Variants in SH2B1 observed in about 807,000 individuals in gnomAD.
The protein encoded by SH2B1 is SH2B adapter protein 1.
Under a neutral mutation model 62.6 loss-of-function variants are expected in SH2B1, and 15 were observed. The ratio of observed to expected loss-of-function variants is 0.24; its 90% CI spans 0.16 to 0.37. The LOEUF is 0.37. Among genes scored for constraint, SH2B1 ranks in the 10% least tolerant of loss-of-function variants. SH2B1 has a pLI of 1.00. For synonymous variants in SH2B1, 443 were observed against 438.0 expected, an observed-to-expected ratio of 1.01 and a Z score of -0.14; for missense variants, 925 against 1,015.6, an observed-to-expected ratio of 0.91 and a Z score of 1.21.
At chr16:28,851,554 G>C (rs1962099832) in intron 1 of SH2B1, among the ~76,000 whole-genome samples, 1 of 131,888 alleles carries the variant, frequency 7.6e-6, no homozygotes, top group African/African-American at 2.6e-5. Flanking sequence ...CCGCCTCCCG[G>C]GTTAAAGCGA....
Position 28,873,061 on chromosome 16 carries a change from CTCGG to C in SH2B1, c.1897+359_1897+362del. 1.3e-6 allele frequency: 1 copy of C among 794,480 alleles called. No individual in the cohort carries two copies. The highest frequency in any genetic ancestry group is 2.0e-6 in the Non-Finnish European group (1 of 509,142). 49.2% of individuals were successfully genotyped at this position (794,480 alleles called of 1,614,324 possible). The stretch of plus-strand genomic sequence containing the variant: ...CTTGGGCCTGCCCTTCCCGGGGACA[CTCGG>C]TCTGATCCCCTTCCCTCCTCCCTCA... On this transcript the variant is annotated intron_variant, in intron 7 of 7. Transcript: ENST00000684370. This position sits in a 1 kb window ranked among gnomAD's most constrained non-coding sequence, Gnocchi z 4.2.
chr16:28,847,487 A>G (rs901088299), intron 1 of SH2B1, among the ~76,000 whole-genome samples: 6 of 152,004 alleles, frequency 3.9e-5, no homozygotes, highest in African/African-American at 7.3e-5. Flanking sequence ...CTATGCACAG[A>G]CTGGGAAGCT....
rs899876196 is a variant in SH2B1, at chr16:28,865,634, C to T, written c.-461C>T. 9.1e-6 allele frequency: 9 copies of T among 988,822 alleles called. No individual in the cohort carries two copies. Among genetic ancestry groups the T allele is most frequent in the Non-Finnish European group, 9.6e-6 (8 of 832,556 alleles). 61.3% of individuals were successfully genotyped at this position (988,822 alleles called of 1,614,324 possible). ...AACCTCTCAGGGAAAGGTAAGATAA[C>T]CAAGTGGGAGCCTCTAGAATGGCTC... is the stretch of plus-strand genomic sequence containing the variant. On this transcript the variant is annotated 5_prime_UTR_variant, in exon 1 of 8. Coordinates refer to ENST00000684370, the MANE Select transcript of SH2B1 (RefSeq NM_001387430.1).
rs373877647 is a variant in SH2B1, at chr16:28,868,968, G to A, written c.1042-38G>A. 4.6e-6 allele frequency: 7 copies of A among 1,508,280 alleles called. No individual in the cohort carries two copies. In the Admixed American group the frequency reaches 6.7e-5, roughly 14 times the overall value. 93.4% of individuals were successfully genotyped at this position (1,508,280 alleles called of 1,614,324 possible). The stretch of plus-strand genomic sequence containing the variant: ...TAGGCATGGATTAAGCCTCCTCCCT[G>A]CCCCTGCCCCAGCTGAGGCGTCGTC... On this transcript the variant is annotated intron_variant, in intron 2 of 7. Coordinates refer to ENST00000684370, the MANE Select transcript of SH2B1 (RefSeq NM_001387430.1).
At chr16:28,859,484 G>A (rs975804609), upstream of SH2B1, among the ~76,000 whole-genome samples, 5 of 152,114 alleles carry the variant, frequency 3.3e-5, no homozygotes, top group African/African-American at 1.2e-4. Context: ...TGCCAGGGTT[G>A]TTTAAGCTGG....
In SH2B1 at chr16:28,869,375, T is replaced by C; in HGVS notation, c.1301T>C (p.Leu434Pro). 6.2e-7 allele frequency: 1 copy of C among 1,613,596 alleles called. No homozygotes were observed. The highest frequency in any genetic ancestry group is 1.1e-5 in the South Asian group (1 of 91,070). Residue 434 changes from leucine to proline, a missense_variant, in exon 4 of 8, where the codon CTG (leucine) becomes CCG (proline). Transcript: ENST00000684370. ...LLGPSESNDRLSQGAYGGLSD... is the reference protein window; with the variant it reads ...LLGPSESNDRPSQGAYGGLSD... ...GGACCCAGCGAGAGCAATGACCGCC[T>C]GTCGCAGGGTAAGGGTGGAGCCTTA...
upstream of SH2B1, among the ~76,000 whole-genome samples, chr16:28,859,774 G>C (rs747490043): frequency 2.0e-5 from 3 of 151,840 alleles, no homozygotes; most frequent in Admixed American, 6.6e-5. Flanking sequence ...AAAAGAGACT[G>C]AGACCAAGTT....
chr16:28,872,849 C>A lies in SH2B1; in HGVS notation c.1897+144C>A. Reference sequence around the variant, plus strand: ...AGCAGGGTAGAGGAGGCTGTTGTGCCTCGGGGTTTGGAAGGGAAAGAAATG... The same window carrying A: ...AGCAGGGTAGAGGAGGCTGTTGTGCATCGGGGTTTGGAAGGGAAAGAAATG... On this transcript the variant is annotated intron_variant, in intron 7 of 7. Transcript: ENST00000684370. This position sits in a 1 kb window ranked among gnomAD's most constrained non-coding sequence, Gnocchi z 5.3. 1 of 1,142,158 alleles carries A rather than the reference C, an allele frequency of 8.8e-7. No homozygotes were observed. The allele number at this position is 1,142,158 out of a possible 1,614,324, so 70.8% of individuals were successfully genotyped here. A position where few individuals can be genotyped will look rare whatever the true frequency, so the allele number is the denominator to read the frequency against.
At position 28,866,712 on chromosome 16, in the gene SH2B1, T is replaced by C. The variant is rs1338247108; in HGVS notation, c.618T>C (p.Ala206=). 5 of 1,589,146 alleles carry C rather than the reference T, an allele frequency of 3.1e-6. No homozygotes were observed. The East Asian group carries it at 1.1e-4, about 36-fold the overall frequency. Residue 206 remains alanine (A), a synonymous_variant, in exon 1 of 8, where the codon GCT becomes GCC. Coordinates refer to ENST00000684370, the MANE Select transcript of SH2B1 (RefSeq NM_001387430.1). This position sits in a 1 kb window ranked among gnomAD's most constrained non-coding sequence, Gnocchi z 6.3. ...GCAACTCCAACTCCTCTGGCGGGGC[T>C]GGGACCGTTGGTAGGGGACTGGTCA... ...GNSNSNSSGG[A]GTVGRGLVSD...
rs1286866718 is a variant in SH2B1 at position 28,853,058 on chromosome 16, A to G, written c.-301+6231A>G. On this transcript the variant is annotated intron_variant, in intron 1 of 10. Transcript: ENST00000322610. Reference sequence around the variant, plus strand: ...TGTACATATATATTTATATATGTACATATATATGTACATATATATTTATAT... The same window carrying G: ...TGTACATATATATTTATATATGTACGTATATATGTACATATATATTTATAT... Among the ~76,000 whole-genome samples the G allele has an allele frequency of 2.8e-5, 3 of 109,064 alleles. 1 individual carries two copies. In the East Asian group the frequency reaches 7.6e-4, roughly 28 times the overall value. 71.6% of individuals were successfully genotyped at this position (109,064 alleles called of 152,430 possible). A position where few individuals can be genotyped will look rare whatever the true frequency, so the allele number is the denominator to read the frequency against.
At chr16:28,858,808 C>T (rs980905124) in intron 1 of SH2B1, among the ~76,000 whole-genome samples, 3 of 151,664 alleles carry the variant, frequency 2.0e-5, no homozygotes, top group African/African-American at 4.8e-5. Context: ...GGCCTGGTGG[C>T]GCACGCCTGT....
rs1963184509 is a variant in SH2B1, at chr16:28,873,781, C to T, written c.2232C>T (p.Gly744=). ...TAGGGGGTGATGGAGAGGAAGGGGG[C>T]CACCCCAGGGCCATTAACAACCAGT... ...SPLGGDGEEG[G]HPRAINNQYS... The change falls in exon 8 of 8, where the codon GGC becomes GGT. Residue 744 remains glycine (G), a synonymous_variant. Coordinates refer to ENST00000684370, the MANE Select transcript of SH2B1 (RefSeq NM_001387430.1). The surrounding 1 kb of genome is among the most constrained non-coding windows in gnomAD (Gnocchi z 4.2). The T allele has an allele frequency of 1.4e-6, 2 of 1,467,260 alleles. No homozygotes were observed. The highest frequency in any genetic ancestry group is 2.7e-5 in the Admixed American group (1 of 36,764). 90.9% of individuals were successfully genotyped at this position (1,467,260 alleles called of 1,614,324 possible).
intron 1 of SH2B1, among the ~76,000 whole-genome samples, chr16:28,858,711 G>A (rs903999454): frequency 3.9e-5 from 6 of 151,992 alleles, no homozygotes; most frequent in Non-Finnish European, 7.4e-5. Context: ...AGGCCAAGTC[G>A]GGCAGATCAC....
At chr16:28,857,013 T>C (rs540426711) in intron 1 of SH2B1, among the ~76,000 whole-genome samples, 1 of 152,254 alleles carries the variant, frequency 6.6e-6, no homozygotes, top group South Asian at 2.1e-4. Context: ...CCAGCCCCAG[T>C]GGCTCACACC....
In SH2B1 at chr16:28,873,830, A is replaced by C. The variant is rs1022847155; in HGVS notation, c.*10A>C. The C allele has an allele frequency of 3.5e-6, 5 of 1,420,570 alleles. No homozygotes were observed. The highest frequency in any genetic ancestry group is 4.6e-6 in the Non-Finnish European group (5 of 1,089,404). The allele number at this position is 1,420,570 out of a possible 1,614,324, so 88.0% of individuals were successfully genotyped here. A position where few individuals can be genotyped will look rare whatever the true frequency, so the allele number is the denominator to read the frequency against. ...GTACTCCTTCGTGTGAGCCAACCCCACCCGCTCCACCCTTTTTAAACCCCC... is the reference window on the plus strand; with the variant it reads ...GTACTCCTTCGTGTGAGCCAACCCCCCCCGCTCCACCCTTTTTAAACCCCC... On this transcript the variant is annotated 3_prime_UTR_variant, in exon 8 of 8. Coordinates refer to ENST00000684370, the MANE Select transcript of SH2B1 (RefSeq NM_001387430.1). The surrounding 1 kb of genome is among the most constrained non-coding windows in gnomAD (Gnocchi z 4.2).
rs2152173519 is a variant in SH2B1 at position 28,865,358 on chromosome 16, T to C, written c.-737T>C. On this transcript the variant is annotated 5_prime_UTR_variant, in exon 1 of 8. An upstream start codon of the reference 5' UTR is lost. Coordinates refer to ENST00000684370, the MANE Select transcript of SH2B1 (RefSeq NM_001387430.1). The stretch of plus-strand genomic sequence containing the variant: ...AGACAATTACTGTTTTGGTCCATCA[T>C]GCATCCATCCTCATTAATGAATCGG... 5.1e-6 allele frequency: 5 copies of C among 985,728 alleles called. No homozygotes were observed. The South Asian group carries it at 1.9e-4, about 37-fold the overall frequency. The allele number at this position is 985,728 out of a possible 1,614,324, so 61.1% of individuals were successfully genotyped here.
At chr16:28,854,001 CAAAAAAA>C (rs59760541) in intron 1 of SH2B1, among the ~76,000 whole-genome samples, 4 of 45,982 alleles carry the variant, frequency 8.7e-5, no homozygotes, top group South Asian at 1.2e-3. Flanking sequence ...GACTAGGTCT[CAAAAAAA>C]AAAAAAAAAA....
Position 28,872,626 on chromosome 16 carries a change from G to A in SH2B1, c.1818G>A (p.Val606=). 6.2e-7 allele frequency: 1 copy of A among 1,614,162 alleles called. No homozygotes were observed. The highest frequency in any genetic ancestry group is 8.5e-7 in the Non-Finnish European group (1 of 1,180,024). The change falls in exon 7 of 8, where the codon GTG becomes GTA. Residue 606 remains valine (V), a synonymous_variant. Transcript: ENST00000684370. This position sits in a 1 kb window ranked among gnomAD's most constrained non-coding sequence, Gnocchi z 5.3. ...TCGATATGCTCGAGCACTTCCGGGT[G>A]CACCCCATCCCTTTGGAGTCGGGAG... ...SIFDMLEHFR[V]HPIPLESGGS...
chr16:28,853,219 GTATATATAAA>G, intron 1 of SH2B1, among the ~76,000 whole-genome samples: 1 of 115,240 alleles, frequency 8.7e-6, no homozygotes, highest in South Asian at 2.4e-4. Flanking sequence ...ATATAAAAAT[GTATATATAAA>G]TATATATATA....
Sources: gnomAD v4.1 joint callset for allele counts (sites outside exome capture counted in the v4.1 genomes callset) on GRCh38, gnomAD v4.1.1 for gene constraint, Gnocchi (gnomAD v3.1) non-coding constraint, MANE v1.5 for transcripts, NCBI Gene and HGNC (gene_info 2026-07-23, HGNC 2026-07-21) for gene names.